MYRIP: variants seen among roughly 807,000 people sequenced by gnomAD.
MYRIP encodes rab effector MyRIP.
Under a neutral mutation model 98.0 loss-of-function variants are expected in MYRIP, and 49 were observed. The ratio of observed to expected loss-of-function variants is 0.50; its 90% CI spans 0.40 to 0.63. The LOEUF (loss-of-function observed/expected upper bound fraction) is 0.63. Among genes scored for constraint, MYRIP ranks in the 30% least tolerant of loss-of-function variants. The probability of loss-of-function intolerance (pLI) is 0.00; values close to 1 mark genes in which losing one functional copy is unlikely to be tolerated. For synonymous variants in MYRIP, 404 were observed against 409.5 expected (o/e 0.99, Z 0.16); for missense variants, 1,004 against 1,058.2 (o/e 0.95, Z 0.71).
chr3:40,245,355 A>C (rs1241193201), intron 13 of MYRIP, among the ~76,000 whole-genome samples: 2 of 152,150 alleles, frequency 1.3e-5, no homozygotes, highest in Non-Finnish European at 2.9e-5. Context: ...TTTCTTTAAA[A>C]GGGCTCCATG....
intron 2 of MYRIP, among the ~76,000 whole-genome samples, chr3:39,983,556 T>C (rs1211047128): frequency 6.6e-6 from 1 of 152,182 alleles, no homozygotes; most frequent in Non-Finnish European, 1.5e-5. Flanking sequence ...TATTTACTTA[T>C]TTATTCAACA....
chr3:40,091,571 C>A (rs1948738074), intron 3 of MYRIP, among the ~76,000 whole-genome samples: 1 of 152,168 alleles, frequency 6.6e-6, no homozygotes, highest in East Asian at 1.9e-4. Flanking sequence ...CACCCCAGAC[C>A]TCTTCCTGTT....
chr3:40,242,148 A>C (rs988336571), intron 12 of MYRIP: 1 of 152,192 alleles, frequency 6.6e-6, no homozygotes, highest in Non-Finnish European at 1.5e-5. Context: ...GAGCAAAAAA[A>C]TTCTCATCTT....
chr3:40,099,577 T>C (rs1220441833), intron 3 of MYRIP, among the ~76,000 whole-genome samples: 1 of 152,158 alleles, frequency 6.6e-6, no homozygotes, highest in African/African-American at 2.4e-5. Flanking sequence ...GGGCCAAACA[T>C]ATATATACAC....
chr3:40,245,913 A>ATTTTTTTTTTTT (rs55637614), intron 13 of MYRIP, among the ~76,000 whole-genome samples: 23 of 115,620 alleles, frequency 2.0e-4, no homozygotes, highest in South Asian at 3.1e-4. Flanking sequence ...CACCCAGCTA[A>ATTTTTTTTTTTT]TTTTTTTTTT....
intron 1 of MYRIP, among the ~76,000 whole-genome samples, chr3:39,845,371 C>G (rs67023335): frequency 0.082 from 12,431 of 152,108 alleles, 570 homozygotes; most frequent in African/African-American, 0.12. Context: ...TTAAAAAATA[C>G]CCCTCATTTG....
At chr3:40,187,718 C>G (rs1408349680) in intron 9 of MYRIP, among the ~76,000 whole-genome samples, 2 of 152,198 alleles carry the variant, frequency 1.3e-5, no homozygotes, top group Admixed American at 1.3e-4. Flanking sequence ...CCAGGCCCTG[C>G]CTCAGGGACC....
chr3:40,149,428 T>C (rs1950072074), intron 3 of MYRIP, among the ~76,000 whole-genome samples: 1 of 152,188 alleles, frequency 6.6e-6, no homozygotes, highest in East Asian at 1.9e-4. Flanking sequence ...CATTTTAACA[T>C]GAGATTTGCA....
At chr3:40,207,286 C>T (rs549185217) in intron 10 of MYRIP, among the ~76,000 whole-genome samples, 1 of 152,250 alleles carries the variant, frequency 6.6e-6, no homozygotes, top group South Asian at 2.1e-4. Flanking sequence ...AATGCCTGTC[C>T]CATGACGACA....
At chr3:39,887,777 C>G (rs1307855798) in intron 1 of MYRIP, among the ~76,000 whole-genome samples, 1 of 152,108 alleles carries the variant, frequency 6.6e-6, no homozygotes, top group Non-Finnish European at 1.5e-5. Flanking sequence ...ATCTAGAGAA[C>G]CCCATTGTCT....
intron 8 of MYRIP, among the ~76,000 whole-genome samples, chr3:40,181,982 C>T (rs1250865503): frequency 6.6e-6 from 1 of 152,144 alleles, no homozygotes; most frequent in Non-Finnish European, 1.5e-5. Flanking sequence ...TGAGAGCTGG[C>T]CCCGTAAAAT....
intron 11 of MYRIP, among the ~76,000 whole-genome samples, chr3:40,223,173 G>T (rs545678989): frequency 6.6e-6 from 1 of 152,262 alleles, no homozygotes; most frequent in South Asian, 2.1e-4. Flanking sequence ...TAGGTTAGAG[G>T]TTTAATGCAA....
At chr3:39,983,629 G>C (rs1945949093) in intron 2 of MYRIP, among the ~76,000 whole-genome samples, 1 of 152,172 alleles carries the variant, frequency 6.6e-6, no homozygotes, top group South Asian at 2.1e-4. Context: ...CACAGACAAA[G>C]CCTCTGCCCT....
At chr3:39,996,719 A>G (rs945273223) in intron 2 of MYRIP, among the ~76,000 whole-genome samples, 4 of 152,336 alleles carry the variant, frequency 2.6e-5, no homozygotes, top group East Asian at 1.9e-4. Context: ...CCTCAAATCA[A>G]TAGAATATAC....
At chr3:39,869,713 G>A (rs565824494) in intron 1 of MYRIP, among the ~76,000 whole-genome samples, 1 of 152,196 alleles carries the variant, frequency 6.6e-6, no homozygotes, top group South Asian at 2.1e-4. Flanking sequence ...AGTTTTACAT[G>A]ACATTATCCA....
intron 2 of MYRIP, among the ~76,000 whole-genome samples, chr3:39,999,253 G>A (rs981575957): frequency 2.0e-5 from 3 of 152,174 alleles, no homozygotes; most frequent in African/African-American, 7.2e-5. Flanking sequence ...CCTACAGAAT[G>A]GGAGAACATT....
chr3:39,838,565 G>T (rs1306960926), intron 1 of MYRIP, among the ~76,000 whole-genome samples: 3 of 152,158 alleles, frequency 2.0e-5, no homozygotes, highest in Non-Finnish European at 4.4e-5. Flanking sequence ...AAGCTGACTT[G>T]ATCTTGGTGG....
chr3:40,169,342 G>C (rs980611401), intron 7 of MYRIP, among the ~76,000 whole-genome samples: 1 of 152,164 alleles, frequency 6.6e-6, no homozygotes, highest in Non-Finnish European at 1.5e-5. Flanking sequence ...TGGTGGCTTA[G>C]CACATTTCTT....
At chr3:39,946,646 T>C (rs1944910267) in intron 2 of MYRIP, among the ~76,000 whole-genome samples, 1 of 152,134 alleles carries the variant, frequency 6.6e-6, no homozygotes, top group Non-Finnish European at 1.5e-5. Flanking sequence ...TGTAAGGAAA[T>C]GTGCTCTGAC....
Sources: allele counts gnomAD v4.1 joint callset (sites outside exome capture counted in the v4.1 genomes callset), GRCh38; gene constraint gnomAD v4.1.1; transcripts MANE v1.5; gene names NCBI Gene and HGNC (gene_info 2026-07-23, HGNC 2026-07-21).